Variants in PRPSAP1 observed in about 807,000 individuals in gnomAD.
The protein encoded by PRPSAP1 is phosphoribosyl pyrophosphate synthetase associated protein 1.
A neutral mutation model predicts 39.4 loss-of-function variants in PRPSAP1; 31 were observed. The observed-to-expected ratio is 0.79, with a 90% confidence interval of 0.59 to 1.06. The LOEUF is 1.06. Among genes scored for constraint, PRPSAP1 ranks in the 50% least tolerant of loss-of-function variants. PRPSAP1 has a pLI of 0.00. For missense variants in PRPSAP1, 430 were observed against 511.6 expected, an observed-to-expected ratio of 0.84 and a Z score of 1.54; for synonymous variants, 212 against 192.6, an observed-to-expected ratio of 1.10 and a Z score of -0.83.
chr17:76,317,073 G>C (rs956615597), intron 7 of PRPSAP1, among the ~76,000 whole-genome samples: 2 of 152,246 alleles, frequency 1.3e-5, no homozygotes, highest in Non-Finnish European at 2.9e-5. Flanking sequence ...ACATTAAAAA[G>C]AGATGAGTGG....
chr17:76,320,469 G>T (rs2071184361), intron 7 of PRPSAP1, among the ~76,000 whole-genome samples: 1 of 121,528 alleles, frequency 8.2e-6, no homozygotes, highest in Non-Finnish European at 1.6e-5. Context: ...TTGTTGCCCA[G>T]GTTGGAGTGC....
chr17:76,321,594 G>A (rs917233026), intron 7 of PRPSAP1, among the ~76,000 whole-genome samples: 1 of 151,974 alleles, frequency 6.6e-6, no homozygotes, highest in African/African-American at 2.4e-5. Flanking sequence ...TGCTGTTCCC[G>A]TCTCTTCCTC....
chr17:76,318,293 C>CA (rs1204919160), intron 7 of PRPSAP1, among the ~76,000 whole-genome samples: 1 of 151,928 alleles, frequency 6.6e-6, no homozygotes, highest in African/African-American at 2.4e-5. Flanking sequence ...ACTAAAAATA[C>CA]AAAAAAATTA....
chr17:76,335,761 A>C (rs2071371789), intron 3 of PRPSAP1, among the ~76,000 whole-genome samples: 1 of 152,142 alleles, frequency 6.6e-6, no homozygotes, highest in Non-Finnish European at 1.5e-5. Flanking sequence ...CCAAGGCAGG[A>C]GTATTGCTTG....
rs768586995 is a variant in PRPSAP1, at chr17:76,311,526, G to A, written c.*16C>T. On this transcript the variant is annotated 3_prime_UTR_variant, in exon 10 of 10. Coordinates refer to ENST00000446526, the MANE Select transcript of PRPSAP1 (RefSeq NM_002766.3). ...TGTTTCCCTCAGGAGGTCCAGGGTC[G>A]AGACCCTCGTGAAAGCTAGTCATCC... The A allele has an allele frequency of 3.2e-5, 52 of 1,611,524 alleles. No homozygotes were observed. The highest frequency in any genetic ancestry group is 1.6e-4 in the Middle Eastern group (1 of 6,070).
chr17:76,310,570 A>G lies in PRPSAP1; in HGVS notation c.*972T>C, dbSNP rs1013733439. On this transcript the variant is annotated 3_prime_UTR_variant, in exon 10 of 10. Coordinates refer to ENST00000446526, the MANE Select transcript of PRPSAP1 (RefSeq NM_002766.3). ...AGCTTCAACCTCCTTGGCTCAGGCA[A>G]TCCTCCCACCTCAGCCTCCCAAGGT... The G allele has an allele frequency of 1.1e-4, 17 of 151,676 alleles. No homozygotes were observed. Among genetic ancestry groups the G allele is most frequent in the African/African-American group, 3.9e-4 (16 of 41,236 alleles). The allele number at this position is 151,676 out of a possible 1,614,324, so 9.4% of individuals were successfully genotyped here. A position where few individuals can be genotyped will look rare whatever the true frequency, so the allele number is the denominator to read the frequency against.
chr17:76,324,951 C>T (rs1443052594), intron 7 of PRPSAP1, among the ~76,000 whole-genome samples: 1 of 151,322 alleles, frequency 6.6e-6, no homozygotes, highest in African/African-American at 2.4e-5. Context: ...ACCTGTAGTC[C>T]CAGCTACTTG....
intron 3 of PRPSAP1, among the ~76,000 whole-genome samples, chr17:76,335,089 CTT>C (rs1215573124): frequency 1.3e-5 from 2 of 152,122 alleles, no homozygotes; most frequent in African/African-American, 4.8e-5. Flanking sequence ...CCCAGAGACT[CTT>C]TTGTTTAAAA....
chr17:76,334,559 C>T (rs1460052194), intron 3 of PRPSAP1, among the ~76,000 whole-genome samples: 1 of 152,090 alleles, frequency 6.6e-6, no homozygotes, highest in African/African-American at 2.4e-5. Flanking sequence ...AGGTTCAATT[C>T]CTGGAACTTC....
chr17:76,316,637 G>A (rs1251076879), intron 7 of PRPSAP1, among the ~76,000 whole-genome samples: 1 of 152,194 alleles, frequency 6.6e-6, no homozygotes, highest in African/African-American at 2.4e-5. Context: ...TTTAGATTCT[G>A]CTCTCTCTTT....
chr17:76,351,793 G>C (rs1598547087), intron 1 of PRPSAP1, among the ~76,000 whole-genome samples: 1 of 151,984 alleles, frequency 6.6e-6, no homozygotes, highest in Non-Finnish European at 1.5e-5. Flanking sequence ...AATCTTTCGG[G>C]AATTTGCCAG....
chr17:76,340,531 T>C (rs1171049203), intron 3 of PRPSAP1, among the ~76,000 whole-genome samples: 1 of 151,810 alleles, frequency 6.6e-6, no homozygotes, highest in Admixed American at 6.6e-5. Flanking sequence ...AAGAATTTTA[T>C]AAAATTCAAC....
In PRPSAP1 at chr17:76,353,713, C is replaced by G. The variant is rs1262602546; in HGVS notation, c.-10G>C. 1 of 1,455,144 alleles carries G rather than the reference C, an allele frequency of 6.9e-7. No individual in the cohort carries two copies. Among genetic ancestry groups the G allele is most frequent in the East Asian group, 2.8e-5 (1 of 35,418 alleles). 90.1% of individuals were successfully genotyped at this position (1,455,144 alleles called of 1,614,324 possible). A position where few individuals can be genotyped will look rare whatever the true frequency, so the allele number is the denominator to read the frequency against. On this transcript the variant is annotated 5_prime_UTR_variant, in exon 1 of 10. Transcript: ENST00000446526. Reference sequence around the variant, plus strand: ...GCAGCTTCTTGGGCATCGTCCGGCCCGCGGCGCGGTTACGACCGGCCCCGC... The same window carrying G: ...GCAGCTTCTTGGGCATCGTCCGGCCGGCGGCGCGGTTACGACCGGCCCCGC...
At chr17:76,317,772 C>G (rs2071140649) in intron 7 of PRPSAP1, among the ~76,000 whole-genome samples, 1 of 152,184 alleles carries the variant, frequency 6.6e-6, no homozygotes. Context: ...GATCCAAACT[C>G]TTACTTTTCA....
chr17:76,335,729 G>A (rs1256851431), intron 3 of PRPSAP1, among the ~76,000 whole-genome samples: 1 of 152,164 alleles, frequency 6.6e-6, no homozygotes, highest in Non-Finnish European at 1.5e-5. Flanking sequence ...GTTTATGCTT[G>A]TAATCCCAGC....
At chr17:76,344,368 A>G (rs1014148704) in intron 3 of PRPSAP1, among the ~76,000 whole-genome samples, 16 of 152,110 alleles carry the variant, frequency 1.1e-4, no homozygotes, top group Admixed American at 9.8e-4. Context: ...TGACCTCGTG[A>G]TCCGCCCGCC....
Position 76,330,609 on chromosome 17 carries a change from C to G in PRPSAP1, c.521G>C (p.Ser174Thr). ...GGCTCTAAGGTTGTCCACAGGAAAG[C>G]TGAAAAAGCCTTGTATTTCCTTTTG... is the stretch of plus-strand genomic sequence containing the variant. ...LHQKEIQGFF[S>T]FPVDNLRASP... is the part of the protein sequence containing the mutation. The change falls in exon 5 of 10, where the codon AGC becomes ACC. Residue 174 changes from serine (S) to threonine (T), a missense_variant. Ser to Thr is a moderately conservative substitution (Grantham distance 58). This residue lies in a region of PRPSAP1 where 278 missense variants were observed against 376.3 expected (regional missense o/e 0.74). Transcript: ENST00000446526. 6.2e-7 allele frequency: 1 copy of G among 1,613,224 alleles called. No individual in the cohort carries two copies. The highest frequency in any genetic ancestry group is 8.5e-7 in the Non-Finnish European group (1 of 1,179,500).
At chr17:76,312,076 A>G (rs555571651) in intron 9 of PRPSAP1, among the ~76,000 whole-genome samples, 2 of 152,352 alleles carry the variant, frequency 1.3e-5, no homozygotes, top group African/African-American at 2.4e-5. Context: ...GACCCTCAAC[A>G]TAACTCTCAA....
In PRPSAP1 at chr17:76,311,440, G is replaced by A. The variant is rs1026951740; in HGVS notation, c.*102C>T. On this transcript the variant is annotated 3_prime_UTR_variant, in exon 10 of 10. Coordinates refer to ENST00000446526, the MANE Select transcript of PRPSAP1 (RefSeq NM_002766.3). ...GGGCAAAAGAAGATATCTAACTCCAGGCTGTTTCGAGTCCTCCCTTGCAAG... is the reference window on the plus strand; with the variant it reads ...GGGCAAAAGAAGATATCTAACTCCAAGCTGTTTCGAGTCCTCCCTTGCAAG... 3.8e-6 allele frequency: 5 copies of A among 1,309,336 alleles called. No individual in the cohort carries two copies. Among genetic ancestry groups the A allele is most frequent in the Non-Finnish European group, 4.1e-6 (4 of 965,598 alleles). 81.1% of individuals were successfully genotyped at this position (1,309,336 alleles called of 1,614,324 possible).
Sources: gnomAD v4.1 joint callset for allele counts (sites outside exome capture counted in the v4.1 genomes callset) on GRCh38, gnomAD v4.1.1 for gene constraint, gnomAD v4.1.1 regional missense constraint, MANE v1.5 for transcripts, NCBI Gene and HGNC (gene_info 2026-07-23, HGNC 2026-07-21) for gene names.